The following GUCY1A2 variants were observed in gnomAD, a reference collection of about 807,000 sequenced individuals.
The protein encoded by GUCY1A2 is guanylate cyclase soluble subunit alpha-2.
GUCY1A2 carries 27 observed loss-of-function variants against 63.5 expected under a neutral mutation model. The observed-to-expected ratio is 0.43, with a 90% CI of 0.31 to 0.59. The LOEUF (loss-of-function observed/expected upper bound fraction) is 0.59, where lower values mean the gene tolerates loss of function less well. Ranked by LOEUF, GUCY1A2 falls within the 20% of genes least tolerant of loss-of-function variation. GUCY1A2 has a pLI of 0.11. For missense variants in GUCY1A2, 768 were observed against 913.3 expected, an observed-to-expected ratio of 0.84 and a Z score of 2.05; for synonymous variants, 364 against 343.5, an observed-to-expected ratio of 1.06 and a Z score of -0.66.
chr11:106,898,810 T>C lies in GUCY1A2; in HGVS notation c.1206+40650A>G, dbSNP rs79872072. 3.7e-4 allele frequency among the ~76,000 whole-genome samples: 57 copies of C among 152,284 alleles called. No homozygotes were observed. In the East Asian group the frequency reaches 9.8e-3, roughly 26 times the overall value. On this transcript the variant is annotated intron_variant, in intron 4 of 7. Transcript: ENST00000526355. ...TTATACATTTATCCAAACCCATAGA[T>C]TACACAACACTAAAAGTGAACTCTA...
In GUCY1A2 at chr11:107,008,404, G is replaced by A. The variant is rs189148379; in HGVS notation, c.303+9349C>T. ...AGGAGAATGTTTAGAAAATCTTAAC[G>A]CATTCTAAAAAATAATGTTATAACT... On this transcript the variant is annotated intron_variant, in intron 1 of 7. Coordinates refer to ENST00000526355, the MANE Select transcript of GUCY1A2 (RefSeq NM_000855.3). Among the ~76,000 whole-genome samples the A allele has an allele frequency of 1.8e-4, 27 of 151,900 alleles. 1 individual carries two copies. In the East Asian group the frequency reaches 3.3e-3, roughly 19 times the overall value.
chr11:106,876,709 C>A (rs551840294), intron 4 of GUCY1A2, among the ~76,000 whole-genome samples: 1 of 152,254 alleles, frequency 6.6e-6, no homozygotes, highest in Non-Finnish European at 1.5e-5. Context: ...GCCTGCTTAG[C>A]AATCCTGTTT....
chr11:106,946,989 C>A (rs1195679003), intron 3 of GUCY1A2, among the ~76,000 whole-genome samples: 1 of 151,884 alleles, frequency 6.6e-6, no homozygotes, highest in Non-Finnish European at 1.5e-5. Flanking sequence ...GAGGCCGAGG[C>A]GGGTGGATAA....
chr11:106,947,712 C>T (rs1483416633), intron 3 of GUCY1A2, among the ~76,000 whole-genome samples: 2 of 151,924 alleles, frequency 1.3e-5, no homozygotes, highest in African/African-American at 4.8e-5. Context: ...TTAAGCAATA[C>T]ATTCTCTTGG....
At chr11:107,006,356 G>C (rs923115597) in intron 1 of GUCY1A2, among the ~76,000 whole-genome samples, 1 of 152,168 alleles carries the variant, frequency 6.6e-6, no homozygotes, top group African/African-American at 2.4e-5. Context: ...TTCAGAGATG[G>C]GAAGTGGAGA....
intron 4 of GUCY1A2, among the ~76,000 whole-genome samples, chr11:106,900,327 C>T (rs554994863): frequency 6.6e-6 from 1 of 152,190 alleles, no homozygotes; most frequent in Admixed American, 6.5e-5. Context: ...GAGACTACAG[C>T]TGCAAGCCCC....
At chr11:106,781,264 T>C (rs1864458469) in intron 5 of GUCY1A2, among the ~76,000 whole-genome samples, 1 of 152,224 alleles carries the variant, frequency 6.6e-6, no homozygotes, top group Non-Finnish European at 1.5e-5. Context: ...TCCCACCTGT[T>C]CGTGAATGGC....
intron 6 of GUCY1A2, among the ~76,000 whole-genome samples, chr11:106,754,444 G>A (rs1863937609): frequency 6.6e-6 from 1 of 152,192 alleles, no homozygotes; most frequent in African/African-American, 2.4e-5. Context: ...AGTTTTCAAA[G>A]GGAATGCTTC....
chr11:106,879,942 A>G (rs763613379), intron 4 of GUCY1A2, among the ~76,000 whole-genome samples: 1 of 152,072 alleles, frequency 6.6e-6, no homozygotes, highest in African/African-American at 2.4e-5. Context: ...ATTGATCGTT[A>G]TATTGTATGG....
intron 4 of GUCY1A2, among the ~76,000 whole-genome samples, chr11:106,813,721 G>A (rs1351006886): frequency 1.3e-5 from 2 of 151,980 alleles, no homozygotes; most frequent in Non-Finnish European, 2.9e-5. Context: ...ACTGACCTAC[G>A]TTCAGTTCCC....
At chr11:106,876,147 T>C (rs1192656743) in intron 4 of GUCY1A2, among the ~76,000 whole-genome samples, 1 of 152,026 alleles carries the variant, frequency 6.6e-6, no homozygotes. Context: ...AGAAAATGTA[T>C]AACAATATCT....
intron 4 of GUCY1A2, among the ~76,000 whole-genome samples, chr11:106,839,530 A>T (rs1164184089): frequency 1.3e-5 from 2 of 152,090 alleles, no homozygotes; most frequent in Non-Finnish European, 2.9e-5. Flanking sequence ...AAGGAATATA[A>T]ATCACGCTAC....
At chr11:106,750,381 T>A (rs1057005592) in intron 6 of GUCY1A2, among the ~76,000 whole-genome samples, 1 of 152,062 alleles carries the variant, frequency 6.6e-6, no homozygotes, top group African/African-American at 2.4e-5. Flanking sequence ...GTCAGTCTCC[T>A]CTGGCAATAC....
intron 5 of GUCY1A2, among the ~76,000 whole-genome samples, chr11:106,786,886 GA>G (rs1376418221): frequency 6.6e-6 from 1 of 151,982 alleles, no homozygotes; most frequent in African/African-American, 2.4e-5. Context: ...TCACTCTTTA[GA>G]AAATAATATT....
Position 106,740,299 on chromosome 11 carries a change from G to A in GUCY1A2, c.1837-31633C>T, listed in dbSNP as rs559658695. On this transcript the variant is annotated intron_variant, in intron 6 of 7. Transcript: ENST00000526355. ...ATTACAGGTGTCAGCCACCATGCCC[G>A]GCCTGAGAGGAACCTTTTTTTCTCA... Among the ~76,000 whole-genome samples the A allele has an allele frequency of 9.9e-5, 15 of 152,006 alleles. No individual in the cohort carries two copies. The South Asian group carries it at 2.3e-3, about 23-fold the overall frequency.
In GUCY1A2 at chr11:107,005,014, T is replaced by C. The variant is rs142184073; in HGVS notation, c.303+12739A>G. 5.9e-5 allele frequency among the ~76,000 whole-genome samples: 9 copies of C among 152,306 alleles called. No individual in the cohort carries two copies. The East Asian group carries it at 7.7e-4, about 13-fold the overall frequency. On this transcript the variant is annotated intron_variant, in intron 1 of 7. Transcript: ENST00000526355. ...GTAAGGCATCACCCCTGCATTAATATTGTGAGTATTTAATGGAATAAAATT... is the reference window on the plus strand; with the variant it reads ...GTAAGGCATCACCCCTGCATTAATACTGTGAGTATTTAATGGAATAAAATT...
At chr11:106,834,240 C>G (rs1275046967) in intron 4 of GUCY1A2, among the ~76,000 whole-genome samples, 1 of 152,000 alleles carries the variant, frequency 6.6e-6, no homozygotes, top group East Asian at 1.9e-4. Flanking sequence ...CTTGTAACTG[C>G]TATTCTACTA....
chr11:106,968,593 G>C (rs1861155613), intron 3 of GUCY1A2, among the ~76,000 whole-genome samples: 2 of 152,072 alleles, frequency 1.3e-5, no homozygotes, highest in South Asian at 4.1e-4. Context: ...TGCTCTACCA[G>C]TTTATTTTCA....
chr11:106,697,775 G>T (rs1591234439), intron 7 of GUCY1A2, among the ~76,000 whole-genome samples: 1 of 152,136 alleles, frequency 6.6e-6, no homozygotes, highest in East Asian at 1.9e-4. Context: ...TCAAGGCACA[G>T]TATTAACCAT....
Sources: gnomAD v4.1 joint callset for allele counts (sites outside exome capture counted in the v4.1 genomes callset) on GRCh38, gnomAD v4.1.1 for gene constraint, MANE v1.5 for transcripts, NCBI Gene and HGNC (gene_info 2026-07-23, HGNC 2026-07-21) for gene names.